MSRA: variants seen among roughly 807,000 people sequenced by gnomAD.
MSRA encodes methionine sulfoxide reductase A, also known as mitochondrial peptide methionine sulfoxide reductase.
MSRA carries 54 observed loss-of-function variants against 31.3 expected under a neutral mutation model. The observed-to-expected ratio is 1.73, with a 90% confidence interval of 1.39 to 2.17. The LOEUF is 2.17. Among genes scored for constraint, MSRA ranks in the 30% most tolerant of loss-of-function variants. MSRA has a pLI of 0.00. For missense variants in MSRA, 507 were observed against 300.9 expected (o/e 1.69, Z -5.07); for synonymous variants, 169 against 116.5 (o/e 1.45, Z -2.90).
At chr8:10,067,874 GTTTTTTTTT>G (rs71203303) in intron 1 of MSRA, among the ~76,000 whole-genome samples, 2 of 49,368 alleles carry the variant, frequency 4.1e-5, no homozygotes, top group Admixed American at 3.5e-4. Flanking sequence ...TTCTTACTGA[GTTTTTTTTT>G]TTTTTTTTTT....
intron 1 of MSRA, among the ~76,000 whole-genome samples, chr8:10,184,268 G>C (rs1008457325): frequency 6.6e-6 from 1 of 151,968 alleles, no homozygotes; most frequent in Non-Finnish European, 1.5e-5. Flanking sequence ...GTAGTGAGCA[G>C]TTCCCTCACT....
intron 1 of MSRA, among the ~76,000 whole-genome samples, chr8:10,195,092 T>C (rs1047533461): frequency 1.3e-5 from 2 of 152,232 alleles, no homozygotes; most frequent in African/African-American, 4.8e-5. Flanking sequence ...CAATGCTGAT[T>C]ATTGCATAGC....
intron 3 of MSRA, among the ~76,000 whole-genome samples, chr8:10,274,119 C>A (rs1423359480): frequency 6.6e-6 from 1 of 152,134 alleles, no homozygotes; most frequent in Non-Finnish European, 1.5e-5. Flanking sequence ...TTACAAGGCC[C>A]AGTGCTATTA....
At chr8:10,170,440 A>T (rs1805495500) in intron 1 of MSRA, among the ~76,000 whole-genome samples, 1 of 152,174 alleles carries the variant, frequency 6.6e-6, no homozygotes, top group African/African-American at 2.4e-5. Context: ...GCAGACACTG[A>T]ATCTGCTGGT....
chr8:10,259,552 C>G (rs1798359794), intron 3 of MSRA, among the ~76,000 whole-genome samples: 1 of 152,156 alleles, frequency 6.6e-6, no homozygotes, highest in African/African-American at 2.4e-5. Flanking sequence ...TCCTAAGTCA[C>G]TGTCCCTCCC....
chr8:10,156,658 T>G (rs543696175), intron 1 of MSRA, among the ~76,000 whole-genome samples: 2 of 152,150 alleles, frequency 1.3e-5, no homozygotes, highest in Non-Finnish European at 2.9e-5. Context: ...GGAAATAGTT[T>G]CTGCAAGATG....
chr8:10,361,779 A>C (rs1377624012), intron 5 of MSRA, among the ~76,000 whole-genome samples: 1 of 152,194 alleles, frequency 6.6e-6, no homozygotes, highest in African/African-American at 2.4e-5. Context: ...TCACTTAATA[A>C]ATATATATGA....
intron 1 of MSRA, among the ~76,000 whole-genome samples, chr8:10,094,887 C>T (rs1301878515): frequency 6.6e-6 from 1 of 152,126 alleles, no homozygotes; most frequent in East Asian, 1.9e-4. Flanking sequence ...ATTAAATTGA[C>T]CTTAGATGTT....
intron 1 of MSRA, among the ~76,000 whole-genome samples, chr8:10,199,266 G>T (rs1473457495): frequency 2.0e-5 from 3 of 152,128 alleles, no homozygotes; most frequent in Non-Finnish European, 4.4e-5. Flanking sequence ...CAGGGAATAG[G>T]GGGCATGGTA....
intron 1 of MSRA, among the ~76,000 whole-genome samples, chr8:10,075,431 G>A (rs1296496326): frequency 2.0e-5 from 3 of 152,208 alleles, no homozygotes; most frequent in East Asian, 3.9e-4. Context: ...GACTGTGTAT[G>A]TGTGTCCAGT....
At chr8:10,297,789 G>A (rs1021240402) in intron 3 of MSRA, among the ~76,000 whole-genome samples, 15 of 152,144 alleles carry the variant, frequency 9.9e-5, no homozygotes, top group African/African-American at 2.7e-4. Flanking sequence ...CACAAATAAC[G>A]TCAGTGGCAG....
At chr8:10,416,109 C>T (rs565987517) in intron 5 of MSRA, among the ~76,000 whole-genome samples, 6 of 152,224 alleles carry the variant, frequency 3.9e-5, no homozygotes, top group Admixed American at 2.6e-4. Context: ...GCACCTGGCA[C>T]GGCACCTGCT....
At chr8:10,088,082 T>C (rs956971387) in intron 1 of MSRA, among the ~76,000 whole-genome samples, 21 of 152,132 alleles carry the variant, frequency 1.4e-4, no homozygotes, top group African/African-American at 5.1e-4. Context: ...TGGAAGGAAG[T>C]TTGAAAAACC....
At chr8:10,326,030 G>C (rs12680918) in intron 5 of MSRA, among the ~76,000 whole-genome samples, 1 of 152,160 alleles carries the variant, frequency 6.6e-6, no homozygotes, top group Non-Finnish European at 1.5e-5. Context: ...TACATACACT[G>C]CTTTCCTCTT....
At chr8:10,250,648 G>A (rs1312977120) in intron 3 of MSRA, 1 of 599,600 alleles carries the variant, frequency 1.7e-6, no homozygotes, top group African/African-American at 1.9e-5. Context: ...CAGGAGCCCA[G>A]GTGTGGGAAG....
At chr8:10,391,261 A>C (rs1585661409) in intron 5 of MSRA, among the ~76,000 whole-genome samples, 1 of 152,114 alleles carries the variant, frequency 6.6e-6, no homozygotes, top group South Asian at 2.1e-4. Context: ...TCTCATTGCT[A>C]CACCTGCTGA....
chr8:10,337,246 C>G (rs10107407), intron 5 of MSRA: 2,059 of 153,494 alleles, frequency 0.013, 51 homozygotes, highest in African/African-American at 0.047. Context: ...GTGGTGCGAT[C>G]TCGGCTCACT....
intron 1 of MSRA, among the ~76,000 whole-genome samples, chr8:10,089,822 A>T (rs1480042694): frequency 6.6e-6 from 1 of 152,184 alleles, no homozygotes; most frequent in Non-Finnish European, 1.5e-5. Context: ...AGTCTCAGGG[A>T]ACGAATCTAT....
At chr8:10,305,474 T>C (rs1225468444) in intron 4 of MSRA, among the ~76,000 whole-genome samples, 1 of 147,504 alleles carries the variant, frequency 6.8e-6, no homozygotes, top group Non-Finnish European at 1.5e-5. Flanking sequence ...AGTACCGTGG[T>C]GTGATCTTGG....
Sources: allele counts gnomAD v4.1 joint callset (sites outside exome capture counted in the v4.1 genomes callset), GRCh38; gene constraint gnomAD v4.1.1; transcripts MANE v1.5; gene names NCBI Gene and HGNC (gene_info 2026-07-23, HGNC 2026-07-21).